Variants in SLC22A23 observed in about 807,000 individuals in gnomAD.
The protein encoded by SLC22A23 is ion transporter protein.
Under a neutral mutation model 61.0 loss-of-function variants are expected in SLC22A23, and 26 were observed. The ratio of observed to expected loss-of-function variants is 0.43; its 90% CI spans 0.31 to 0.59. The LOEUF (loss-of-function observed/expected upper bound fraction) is 0.59. Among genes scored for constraint, SLC22A23 ranks in the 20% least tolerant of loss-of-function variants. The probability of loss-of-function intolerance (pLI) is 0.11; values close to 1 mark genes in which losing one functional copy is unlikely to be tolerated. For missense variants in SLC22A23, 796 were observed against 934.7 expected, an observed-to-expected ratio of 0.85 and a Z score of 1.94; for synonymous variants, 430 against 413.9, an observed-to-expected ratio of 1.04 and a Z score of -0.47.
chr6:3,426,645 C>T (rs1770510606), intron 1 of SLC22A23, among the ~76,000 whole-genome samples: 1 of 152,202 alleles, frequency 6.6e-6, no homozygotes, highest in Non-Finnish European at 1.5e-5. Flanking sequence ...TTGAAGATGA[C>T]ATGATGCCTT....
Position 3,414,284 on chromosome 6 carries a change from A to G in SLC22A23, c.758+1468T>C, listed in dbSNP as rs1239150390. On this transcript the variant is annotated intron_variant, in intron 2 of 9. Coordinates refer to ENST00000406686, the MANE Select transcript of SLC22A23 (RefSeq NM_015482.2). This position sits in a 1 kb window ranked among gnomAD's most constrained non-coding sequence, Gnocchi z 5.1. ...TCAATGTAGATTTCTGGGAAACGGTATATTTTAGACCAATATAGCCCACAC... is the reference window on the plus strand; with the variant it reads ...TCAATGTAGATTTCTGGGAAACGGTGTATTTTAGACCAATATAGCCCACAC... 3.9e-5 allele frequency among the ~76,000 whole-genome samples: 6 copies of G among 152,186 alleles called. No individual in the cohort carries two copies. The highest frequency in any genetic ancestry group is 4.1e-4 in the South Asian group (2 of 4,826).
rs570324308 is a variant in SLC22A23, at chr6:3,390,875, C to T, written c.913+19313G>A. Among the ~76,000 whole-genome samples the T allele has an allele frequency of 1.6e-4, 25 of 152,316 alleles. No individual in the cohort carries two copies. Among genetic ancestry groups the T allele is most frequent in the Non-Finnish European group, 3.4e-4 (23 of 68,020 alleles). On this transcript the variant is annotated intron_variant, in intron 3 of 9. Coordinates refer to ENST00000406686, the MANE Select transcript of SLC22A23 (RefSeq NM_015482.2). This position sits in a 1 kb window ranked among gnomAD's most constrained non-coding sequence, Gnocchi z 4.0. Reference sequence around the variant, plus strand: ...GGAAGCTGGAGTTCTGCCCAGAAGCCGCACCCAGAGATCTGAGGGAACCAT... The same window carrying T: ...GGAAGCTGGAGTTCTGCCCAGAAGCTGCACCCAGAGATCTGAGGGAACCAT...
intron 9 of SLC22A23, among the ~76,000 whole-genome samples, chr6:3,275,708 G>A (rs1758828757): frequency 6.6e-6 from 1 of 152,184 alleles, no homozygotes; most frequent in Admixed American, 6.5e-5. Flanking sequence ...TCAGCCTCCT[G>A]AGTAGCTGGG....
At position 3,450,547 on chromosome 6, in the gene SLC22A23, C is replaced by T. The variant is rs538557434; in HGVS notation, c.654+5359G>A. On this transcript the variant is annotated intron_variant, in intron 1 of 9. Coordinates refer to ENST00000406686, the MANE Select transcript of SLC22A23 (RefSeq NM_015482.2). ...GTCTGGAACTCCTGACCTCGTGATC[C>T]GCCCGCCTCGGCCTCCCAAAGTGCT... Among the ~76,000 whole-genome samples, 11 of 152,282 alleles carry T rather than the reference C, an allele frequency of 7.2e-5. No individual in the cohort carries two copies. The East Asian group carries it at 1.7e-3, about 24-fold the overall frequency.
chr6:3,345,356 CTCTTT>C (rs1436882915), intron 3 of SLC22A23, among the ~76,000 whole-genome samples: 3 of 143,634 alleles, frequency 2.1e-5, no homozygotes, highest in Non-Finnish European at 3.0e-5. Context: ...TAGTTTATAT[CTCTTT>C]TCTTTTTTTT....
chr6:3,357,979 G>C (rs111397828), intron 3 of SLC22A23, among the ~76,000 whole-genome samples: 3 of 152,324 alleles, frequency 2.0e-5, no homozygotes, highest in African/African-American at 7.2e-5. Context: ...GAGGGGAAGG[G>C]AAGAGGCCTG....
At chr6:3,310,009 C>T (rs1477693746) in intron 4 of SLC22A23, among the ~76,000 whole-genome samples, 4 of 152,188 alleles carry the variant, frequency 2.6e-5, no homozygotes, top group African/African-American at 9.7e-5. Context: ...AAAATGTATT[C>T]TACAAAGAGT....
At chr6:3,403,550 C>T (rs546893895) in intron 3 of SLC22A23, among the ~76,000 whole-genome samples, 32 of 152,260 alleles carry the variant, frequency 2.1e-4, no homozygotes, top group Non-Finnish European at 3.7e-4. Flanking sequence ...CATCTCTTCC[C>T]AGCTCACTTT....
intron 1 of SLC22A23, among the ~76,000 whole-genome samples, chr6:3,445,811 A>C (rs1771867317): frequency 6.6e-6 from 1 of 152,102 alleles, no homozygotes; most frequent in Non-Finnish European, 1.5e-5. Context: ...GATGCCCCCT[A>C]CAACAAGGAG....
chr6:3,367,738 C>T (rs1373303559), intron 3 of SLC22A23, among the ~76,000 whole-genome samples: 1 of 152,118 alleles, frequency 6.6e-6, no homozygotes, highest in African/African-American at 2.4e-5. Flanking sequence ...GGAAGAACTC[C>T]TAACTATTTG....
chr6:3,420,245 A>C (rs549134381), intron 1 of SLC22A23, among the ~76,000 whole-genome samples: 3 of 152,178 alleles, frequency 2.0e-5, no homozygotes, highest in East Asian at 1.9e-4. Flanking sequence ...AAAAAAAAAA[A>C]AAACCAAAAA....
chr6:3,416,720 G>T (rs1209048285), intron 1 of SLC22A23, among the ~76,000 whole-genome samples: 2 of 152,232 alleles, frequency 1.3e-5, no homozygotes, highest in Non-Finnish European at 2.9e-5. Context: ...GAGACACAGA[G>T]CCGGGGGTCT....
intron 3 of SLC22A23, among the ~76,000 whole-genome samples, chr6:3,370,386 G>T (rs1035740121): frequency 6.6e-6 from 1 of 152,264 alleles, no homozygotes; most frequent in Non-Finnish European, 1.5e-5. Context: ...AACGGCAGGT[G>T]GCCCATGCCT....
rs750311713 is a variant in SLC22A23 at position 3,284,978 on chromosome 6, G to A, written c.1579+101C>T. On this transcript the variant is annotated intron_variant, in intron 8 of 9. Coordinates refer to ENST00000406686, the MANE Select transcript of SLC22A23 (RefSeq NM_015482.2). ...TGCAGTTCTTGGAGGGCAACGGGGA[G>A]AAAGAGAAAATGGAAACCACAGGTC... is the stretch of plus-strand genomic sequence containing the variant. The A allele has an allele frequency of 2.6e-6, 4 of 1,555,914 alleles. No homozygotes were observed. In the Admixed American group the frequency reaches 7.7e-5, roughly 30 times the overall value.
chr6:3,360,111 G>A lies in SLC22A23; in HGVS notation c.914-36109C>T, dbSNP rs1050063946. 6.6e-6 allele frequency among the ~76,000 whole-genome samples: 1 copy of A among 152,124 alleles called. No individual in the cohort carries two copies. The highest frequency in any genetic ancestry group is 6.5e-5 in the Admixed American group (1 of 15,280). On this transcript the variant is annotated intron_variant, in intron 3 of 9. Transcript: ENST00000406686. The surrounding 1 kb of genome is among the most constrained non-coding windows in gnomAD (Gnocchi z 4.6). ...GGGTGGCTGCTCGGGACTAAGGGAT[G>A]GGAATGGGGAGTGTTTATTGGGGAC...
intron 3 of SLC22A23, among the ~76,000 whole-genome samples, chr6:3,394,747 C>T (rs58023167): frequency 0.034 from 5,150 of 152,258 alleles, 280 homozygotes; most frequent in African/African-American, 0.12. Flanking sequence ...CGCTCTGAGG[C>T]CTGCCCCGCT....
intron 3 of SLC22A23, among the ~76,000 whole-genome samples, chr6:3,402,726 G>A (rs1768513200): frequency 6.6e-6 from 1 of 152,196 alleles, no homozygotes; most frequent in Non-Finnish European, 1.5e-5. Context: ...GGTGCTCACT[G>A]TCCCAGCAGG....
intron 1 of SLC22A23, among the ~76,000 whole-genome samples, chr6:3,422,568 C>G (rs76832474): frequency 0.013 from 1,915 of 152,212 alleles, 19 homozygotes; most frequent in Non-Finnish European, 0.021. Context: ...AAATTACTCT[C>G]TACTTTTTGC....
chr6:3,364,476 T>TA lies in SLC22A23; in HGVS notation c.914-40475dup, dbSNP rs572116564. 1.9e-3 allele frequency among the ~76,000 whole-genome samples: 292 copies of TA among 152,068 alleles called. 1 individual carries two copies. Among genetic ancestry groups the TA allele is most frequent in the Middle Eastern group, 3.4e-3 (1 of 294 alleles). On this transcript the variant is annotated intron_variant, in intron 3 of 9. Transcript: ENST00000406686. ...TTAAAAAAAAATTCATTCCCTTCTT[T>TA]AAAAAAAAGTGAGGTCACACCATGT... is the stretch of plus-strand genomic sequence containing the variant.
Sources: allele counts gnomAD v4.1 joint callset (sites outside exome capture counted in the v4.1 genomes callset), GRCh38; gene constraint gnomAD v4.1.1; non-coding constraint Gnocchi (gnomAD v3.1); transcripts MANE v1.5; gene names NCBI Gene and HGNC (gene_info 2026-07-23, HGNC 2026-07-21).